Variants in ANKH observed in about 807,000 individuals in gnomAD.
The protein encoded by ANKH is ANKH inorganic pyrophosphate transport regulator, also known as mineralization regulator ANKH.
Under a neutral mutation model 49.0 loss-of-function variants are expected in ANKH, and 15 were observed. The observed-to-expected ratio is 0.31, with a 90% CI of 0.20 to 0.47. The LOEUF (loss-of-function observed/expected upper bound fraction) is 0.47, where lower values mean the gene tolerates loss of function less well. Among genes scored for constraint, ANKH ranks in the 20% least tolerant of loss-of-function variants. The pLI is 1.00. For missense variants in ANKH, 429 were observed against 652.0 expected, an observed-to-expected ratio of 0.66 and a Z score of 3.72; for synonymous variants, 273 against 260.0, an observed-to-expected ratio of 1.05 and a Z score of -0.48.
At chr5:14,858,732 A>G (rs1735379611) in intron 1 of ANKH, among the ~76,000 whole-genome samples, 1 of 97,158 alleles carries the variant, frequency 1.0e-5, no homozygotes, top group South Asian at 3.3e-4. Flanking sequence ...TAAATAAATA[A>G]ATAAATAAAT....
chr5:14,728,579 T>C (rs747645352), intron 8 of ANKH, among the ~76,000 whole-genome samples: 1 of 152,198 alleles, frequency 6.6e-6, no homozygotes, highest in Non-Finnish European at 1.5e-5. Flanking sequence ...ACAGGCCGTC[T>C]TTGTTCCAGA....
intron 1 of ANKH, among the ~76,000 whole-genome samples, chr5:14,854,865 CT>C (rs1316349896): frequency 6.6e-6 from 1 of 152,164 alleles, no homozygotes; most frequent in African/African-American, 2.4e-5. Flanking sequence ...AGAATAGCCT[CT>C]TAACTGGTCT....
At chr5:14,815,126 C>T (rs1740993612) in intron 1 of ANKH, among the ~76,000 whole-genome samples, 1 of 152,158 alleles carries the variant, frequency 6.6e-6, no homozygotes, top group Non-Finnish European at 1.5e-5. Flanking sequence ...TATTCTAGGT[C>T]TGTGGCTTTC....
intron 8 of ANKH, among the ~76,000 whole-genome samples, chr5:14,722,884 G>A (rs985045198): frequency 1.3e-5 from 2 of 151,754 alleles, no homozygotes; most frequent in African/African-American, 2.4e-5. Context: ...ATGCAATCAA[G>A]GTCAACATCC....
chr5:14,823,395 A>G (rs1741249899), intron 1 of ANKH, among the ~76,000 whole-genome samples: 1 of 152,252 alleles, frequency 6.6e-6, no homozygotes. Flanking sequence ...ACTTTTAAAA[A>G]GGAGAGATCC....
At chr5:14,867,581 C>G (rs1735684145) in intron 1 of ANKH, among the ~76,000 whole-genome samples, 1 of 150,552 alleles carries the variant, frequency 6.6e-6, no homozygotes, top group South Asian at 2.1e-4. Context: ...GAGACGGAGT[C>G]TCGCTCTGTC....
intron 4 of ANKH, 136 bp downstream of exon 4, chr5:14,755,725 T>C (rs1738863387): frequency 1.3e-6 from 1 of 752,046 alleles, no homozygotes; most frequent in African/African-American, 1.7e-5. Context: ...GAGGTCTCTA[T>C]GTGATGTAAC....
At chr5:14,815,818 A>G (rs932445621) in intron 1 of ANKH, among the ~76,000 whole-genome samples, 7 of 152,238 alleles carry the variant, frequency 4.6e-5, no homozygotes, top group African/African-American at 1.7e-4. Context: ...TAATACTGCC[A>G]AACACAAGTC....
At chr5:14,821,947 C>T (rs942017425) in intron 1 of ANKH, among the ~76,000 whole-genome samples, 2 of 152,126 alleles carry the variant, frequency 1.3e-5, no homozygotes, top group African/African-American at 4.8e-5. Flanking sequence ...TTGATCTGTG[C>T]AAATAAACAT....
At chr5:14,785,490 G>A (rs1739945361) in intron 1 of ANKH, among the ~76,000 whole-genome samples, 1 of 152,144 alleles carries the variant, frequency 6.6e-6, no homozygotes, top group Non-Finnish European at 1.5e-5. Context: ...GAAGCTTCCT[G>A]AGGCCTCTGC....
At position 14,854,752 on chromosome 5, in the gene ANKH, T is replaced by A. The variant is rs138026582; in HGVS notation, c.96+16600A>T. On this transcript the variant is annotated intron_variant, in intron 1 of 11. Coordinates refer to ENST00000284268, the MANE Select transcript of ANKH (RefSeq NM_054027.6). Reference sequence around the variant, plus strand: ...CTGCCCCAGCCTCTCCCACCCCATCTGATCAGAGCCAGGTCCATTTGACTG... The same window carrying A: ...CTGCCCCAGCCTCTCCCACCCCATCAGATCAGAGCCAGGTCCATTTGACTG... Among the ~76,000 whole-genome samples the A allele has an allele frequency of 7.0e-4, 106 of 152,182 alleles. No homozygotes were observed. In the East Asian group the frequency reaches 0.017, roughly 24 times the overall value.
rs143243865 is a variant in ANKH at position 14,843,354 on chromosome 5, T to C, written c.96+27998A>G. Among the ~76,000 whole-genome samples the C allele has an allele frequency of 6.3e-3, 959 of 151,910 alleles. 15 individuals are homozygous for C. Among genetic ancestry groups the C allele is most frequent in the African/African-American group, 0.022 (913 of 41,464 alleles). ...CCACACCTGGCTAATTTTTGCATTTTTAGTAGAGATGGCACTTCGCCATGT... is the reference window on the plus strand; with the variant it reads ...CCACACCTGGCTAATTTTTGCATTTCTAGTAGAGATGGCACTTCGCCATGT... On this transcript the variant is annotated intron_variant, in intron 1 of 11. Coordinates refer to ENST00000284268, the MANE Select transcript of ANKH (RefSeq NM_054027.6).
At chr5:14,846,046 A>G (rs944899064) in intron 1 of ANKH, among the ~76,000 whole-genome samples, 7 of 151,656 alleles carry the variant, frequency 4.6e-5, no homozygotes, top group Non-Finnish European at 1.0e-4. Flanking sequence ...TAGTAGAGAC[A>G]GGGTTTCACC....
chr5:14,748,073 G>A (rs1738595924), intron 6 of ANKH, among the ~76,000 whole-genome samples: 1 of 152,132 alleles, frequency 6.6e-6, no homozygotes, highest in Non-Finnish European at 1.5e-5. Flanking sequence ...TGGCTCTAAT[G>A]TATAATTTGT....
chr5:14,720,383 C>T (rs1357537959), intron 8 of ANKH, among the ~76,000 whole-genome samples: 1 of 152,160 alleles, frequency 6.6e-6, no homozygotes. Flanking sequence ...TCATCTTTTC[C>T]CACTGCAAAG....
At chr5:14,802,289 T>G (rs1037355562) in intron 1 of ANKH, among the ~76,000 whole-genome samples, 1 of 152,096 alleles carries the variant, frequency 6.6e-6, no homozygotes, top group Non-Finnish European at 1.5e-5. Flanking sequence ...TTATCTCTGA[T>G]GCTTCTCTCT....
At position 14,724,524 on chromosome 5, in the gene ANKH, G is replaced by A. The variant is rs6871025; in HGVS notation, c.1012-7689C>T. 3,724 of 984,236 alleles carry A rather than the reference G, an allele frequency of 3.8e-3. 118 individuals carry two copies. The African/African-American group carries it at 0.061, about 16-fold the overall frequency. 61.0% of individuals were successfully genotyped at this position (984,236 alleles called of 1,614,324 possible). On this transcript the variant is annotated intron_variant, in intron 8 of 11. Coordinates refer to ENST00000284268, the MANE Select transcript of ANKH (RefSeq NM_054027.6). ...GATCAGTGCAGTGATGAAGGAAATC[G>A]CCAGCTTTACAGACAGAAGACCCCT...
In ANKH at chr5:14,842,915, A is replaced by G. The variant is rs1043949770; in HGVS notation, c.96+28437T>C. ...TAAGGCAGAACACATGAAAATTCCTAGAGAGAAGATCTGTTCTATCCACCC... is the reference window on the plus strand; with the variant it reads ...TAAGGCAGAACACATGAAAATTCCTGGAGAGAAGATCTGTTCTATCCACCC... On this transcript the variant is annotated intron_variant, in intron 1 of 11. Transcript: ENST00000284268. 2.0e-5 allele frequency among the ~76,000 whole-genome samples: 3 copies of G among 152,178 alleles called. No homozygotes were observed. The South Asian group carries it at 6.2e-4, about 32-fold the overall frequency.
chr5:14,838,991 A>C (rs1741740417), intron 1 of ANKH, among the ~76,000 whole-genome samples: 1 of 152,178 alleles, frequency 6.6e-6, no homozygotes. Context: ...TTCGAACAAC[A>C]ACCCAAGTGA....
Sources: allele counts gnomAD v4.1 joint callset (sites outside exome capture counted in the v4.1 genomes callset), GRCh38; gene constraint gnomAD v4.1.1; transcripts MANE v1.5; gene names NCBI Gene and HGNC (gene_info 2026-07-23, HGNC 2026-07-21).